The following PDE1A variants were observed in gnomAD, a reference collection of about 807,000 sequenced individuals.
PDE1A encodes phosphodiesterase 1A.
A neutral mutation model predicts 61.7 loss-of-function variants in PDE1A; 35 were observed. The ratio of observed to expected loss-of-function variants is 0.57; its 90% CI spans 0.43 to 0.75. PDE1A has a LOEUF of 0.75. Among genes scored for constraint, PDE1A ranks in the 30% least tolerant of loss-of-function variants. PDE1A has a pLI of 0.00. For missense variants in PDE1A, 597 were observed against 630.6 expected (o/e 0.95, Z 0.57); for synonymous variants, 232 against 213.2 (o/e 1.09, Z -0.77).
At chr2:182,534,850 T>A in the PDE1A span, among the ~76,000 whole-genome samples, 3 of 152,112 alleles carry the variant, frequency 2.0e-5, no homozygotes, top group East Asian at 5.8e-4. Context: ...TTAGAGGTTT[T>A]TCCTAAAGTC....
chr2:182,283,297 A>AG (rs1282502369), intron 1 of PDE1A, among the ~76,000 whole-genome samples: 3 of 151,980 alleles, frequency 2.0e-5, no homozygotes, highest in African/African-American at 7.2e-5. Flanking sequence ...TTTGACCACC[A>AG]AATCTTTCCA....
At chr2:182,335,235 C>A (rs144380822) in intron 1 of PDE1A, among the ~76,000 whole-genome samples, 5,341 of 152,212 alleles carry the variant, frequency 0.035, 305 homozygotes, top group African/African-American at 0.12. Context: ...CAAGCTACCA[C>A]TGACTTTCTT....
chr2:182,342,876 A>AAGAG (rs1698283427), intron 1 of PDE1A, among the ~76,000 whole-genome samples: 1 of 152,196 alleles, frequency 6.6e-6, no homozygotes, highest in South Asian at 2.1e-4. Context: ...TGTTATACTG[A>AAGAG]AGAGAGGTTC....
At chr2:182,471,246 GATAAT>G (rs1687011166) in intron 2 of PDE1A, among the ~76,000 whole-genome samples, 1 of 151,634 alleles carries the variant, frequency 6.6e-6, no homozygotes, top group African/African-American at 2.4e-5. Flanking sequence ...TAATAAAATG[GATAAT>G]ATATCACAAA....
intron 3 of PDE1A, among the ~76,000 whole-genome samples, chr2:182,237,864 T>C (rs181596544): frequency 1.3e-5 from 2 of 152,228 alleles, no homozygotes; most frequent in Non-Finnish European, 2.9e-5. Flanking sequence ...CAGGCTGGTA[T>C]AGGTGTTCAG....
intron 1 of PDE1A, among the ~76,000 whole-genome samples, chr2:182,364,758 G>A (rs998232148): frequency 2.0e-5 from 3 of 152,006 alleles, no homozygotes; most frequent in Non-Finnish European, 1.5e-5. Flanking sequence ...CATGGAACGT[G>A]TTTTTACAAC....
chr2:182,236,583 T>C (rs1232572890), intron 3 of PDE1A, among the ~76,000 whole-genome samples: 1 of 152,224 alleles, frequency 6.6e-6, no homozygotes, highest in African/African-American at 2.4e-5. Flanking sequence ...CTCACTGCTG[T>C]GTGACCTTTG....
the PDE1A span, among the ~76,000 whole-genome samples, chr2:182,687,256 C>T: frequency 1.3e-5 from 2 of 152,192 alleles, no homozygotes; most frequent in African/African-American, 2.4e-5. Flanking sequence ...CCCTGACCCC[C>T]AAGTAGCCTT....
chr2:182,604,939 A>T, the PDE1A span, among the ~76,000 whole-genome samples: 1 of 152,164 alleles, frequency 6.6e-6, no homozygotes, highest in African/African-American at 2.4e-5. Context: ...GAACCAAAGA[A>T]AGAAAGATAT....
chr2:182,377,017 C>A (rs2053270), intron 1 of PDE1A, among the ~76,000 whole-genome samples: 1 of 152,034 alleles, frequency 6.6e-6, no homozygotes, highest in Non-Finnish European at 1.5e-5. Flanking sequence ...ATGAGAATTA[C>A]GGGAGTACAA....
the PDE1A span, among the ~76,000 whole-genome samples, chr2:182,609,828 C>T: frequency 3.9e-5 from 4 of 101,550 alleles, no homozygotes; most frequent in Non-Finnish European, 6.5e-5. Context: ...GTGGTTCATG[C>T]CTGTAATCCC....
At chr2:182,697,281 G>A in the PDE1A span, among the ~76,000 whole-genome samples, 1 of 152,148 alleles carries the variant, frequency 6.6e-6, no homozygotes, top group Non-Finnish European at 1.5e-5. Flanking sequence ...TTTGCATGTC[G>A]ACTCAGCCAC....
At chr2:182,473,304 T>C (rs898872348) in intron 2 of PDE1A, among the ~76,000 whole-genome samples, 3 of 151,918 alleles carry the variant, frequency 2.0e-5, no homozygotes, top group Admixed American at 6.6e-5. Context: ...AAAGAGCTTC[T>C]GCACAGCAAA....
the PDE1A span, among the ~76,000 whole-genome samples, chr2:182,565,785 A>T: frequency 2.9e-4 from 44 of 152,160 alleles, 1 homozygote; most frequent in African/African-American, 8.9e-4. Context: ...ATTTCCAGTA[A>T]AAGTTCTTCC....
intron 7 of PDE1A, among the ~76,000 whole-genome samples, chr2:182,210,978 C>T (rs1687542444): frequency 6.6e-6 from 1 of 152,086 alleles, no homozygotes; most frequent in Non-Finnish European, 1.5e-5. Context: ...CTCAGGAGGG[C>T]CTTCTTGCTG....
chr2:182,382,150 C>T (rs1054136812), intron 1 of PDE1A, among the ~76,000 whole-genome samples: 2 of 152,142 alleles, frequency 1.3e-5, no homozygotes, highest in South Asian at 4.1e-4. Context: ...TAAAATATTA[C>T]TCTGCTATGT....
intron 1 of PDE1A, among the ~76,000 whole-genome samples, chr2:182,418,409 A>T (rs1038179958): frequency 1.3e-5 from 2 of 152,166 alleles, no homozygotes; most frequent in South Asian, 4.1e-4. Flanking sequence ...GGCATGCTAT[A>T]ACCCTGGAGT....
At chr2:182,569,832 A>G in the PDE1A span, among the ~76,000 whole-genome samples, 2 of 152,190 alleles carry the variant, frequency 1.3e-5, no homozygotes, top group African/African-American at 4.8e-5. Context: ...TTCCTTTCTT[A>G]AAAACCTTCT....
At chr2:182,392,789 A>C (rs890246920) in intron 1 of PDE1A, among the ~76,000 whole-genome samples, 1 of 152,260 alleles carries the variant, frequency 6.6e-6, no homozygotes, top group African/African-American at 2.4e-5. Flanking sequence ...CAAATCTTAA[A>C]GCTCCAAAGT....
Sources: gnomAD v4.1 joint callset for allele counts (sites outside exome capture counted in the v4.1 genomes callset) on GRCh38, gnomAD v4.1.1 for gene constraint, MANE v1.5 for transcripts, NCBI Gene and HGNC (gene_info 2026-07-23, HGNC 2026-07-21) for gene names.